Variants in CELF4 observed in about 807,000 individuals in gnomAD.
CELF4 encodes the protein CUG-BP- and ETR-3-like factor 4.
A neutral mutation model predicts 59.9 loss-of-function variants in CELF4; 18 were observed. That is an observed-to-expected ratio of 0.30 (90% CI 0.21 to 0.45). CELF4 has a LOEUF of 0.45. Ranked by LOEUF, CELF4 falls within the 20% of genes least tolerant of loss-of-function variation. CELF4 has a pLI of 1.00. For synonymous variants in CELF4, 261 were observed against 267.1 expected, an observed-to-expected ratio of 0.98 and a Z score of 0.22; for missense variants, 456 against 689.0, an observed-to-expected ratio of 0.66 and a Z score of 3.79.
At chr18:37,556,353 A>G (rs1279188703) in intron 1 of CELF4, among the ~76,000 whole-genome samples, 2 of 152,186 alleles carry the variant, frequency 1.3e-5, no homozygotes, top group Non-Finnish European at 1.5e-5. Flanking sequence ...CTTTCTAAAG[A>G]CCAGAGAGGG....
intron 1 of CELF4, among the ~76,000 whole-genome samples, chr18:37,517,658 T>C (rs973328186): frequency 1.1e-4 from 16 of 152,138 alleles, no homozygotes; most frequent in African/African-American, 3.9e-4. Context: ...TGTGGCACCC[T>C]CTCCCTGCCT....
chr18:37,327,019 T>C (rs554609816), intron 2 of CELF4, among the ~76,000 whole-genome samples: 1 of 152,322 alleles, frequency 6.6e-6, no homozygotes, highest in Non-Finnish European at 1.5e-5. Flanking sequence ...GGGACGATTA[T>C]GATACAATTA....
At chr18:37,478,638 C>T (rs1342483351) in intron 2 of CELF4, among the ~76,000 whole-genome samples, 2 of 152,304 alleles carry the variant, frequency 1.3e-5, no homozygotes, top group Non-Finnish European at 1.5e-5. Flanking sequence ...TGAGATGTCT[C>T]TGTGGGGAGG....
chr18:37,367,393 A>G (rs1353489580), intron 2 of CELF4, among the ~76,000 whole-genome samples: 1 of 151,784 alleles, frequency 6.6e-6, no homozygotes, highest in Non-Finnish European at 1.5e-5. Flanking sequence ...TGGGCTCCTG[A>G]GTCTCTGCTT....
chr18:37,511,687 T>C (rs900131319), intron 1 of CELF4, among the ~76,000 whole-genome samples: 1 of 151,944 alleles, frequency 6.6e-6, no homozygotes, highest in Non-Finnish European at 1.5e-5. Context: ...CATCTCCCAG[T>C]GGTAAGGCAG....
chr18:37,352,957 C>G (rs981475138), intron 2 of CELF4, among the ~76,000 whole-genome samples: 5 of 152,028 alleles, frequency 3.3e-5, no homozygotes, highest in African/African-American at 1.2e-4. Context: ...CGCGGTAGCT[C>G]ACGCCTGTAA....
At chr18:37,441,345 C>T (rs934850042) in intron 2 of CELF4, among the ~76,000 whole-genome samples, 1 of 150,752 alleles carries the variant, frequency 6.6e-6, no homozygotes, top group African/African-American at 2.5e-5. Flanking sequence ...GGGGAGCAGG[C>T]CTGTGGGGGC....
At chr18:37,387,510 A>C (rs1056521466) in intron 2 of CELF4, among the ~76,000 whole-genome samples, 1 of 152,178 alleles carries the variant, frequency 6.6e-6, no homozygotes, top group East Asian at 1.9e-4. Context: ...TGCTGGGCCC[A>C]GCTGAGTCCG....
chr18:37,299,696 C>G (rs892053826), intron 3 of CELF4, among the ~76,000 whole-genome samples: 1 of 152,240 alleles, frequency 6.6e-6, no homozygotes, highest in Non-Finnish European at 1.5e-5. Context: ...ACCAAAGCCT[C>G]AAAGTTACTC....
chr18:37,431,582 G>A (rs753636296), intron 2 of CELF4, among the ~76,000 whole-genome samples: 6 of 151,966 alleles, frequency 3.9e-5, no homozygotes, highest in Non-Finnish European at 8.8e-5. Flanking sequence ...TGTTAGCCGG[G>A]ATGGTCTTGA....
intron 3 of CELF4, among the ~76,000 whole-genome samples, chr18:37,290,751 C>T (rs879465434): frequency 1.1e-4 from 16 of 152,250 alleles, no homozygotes; most frequent in Non-Finnish European, 1.9e-4. Context: ...TCCTTTGATT[C>T]GACTAAGATA....
At chr18:37,463,946 C>T (rs2099800711) in intron 2 of CELF4, among the ~76,000 whole-genome samples, 1 of 152,074 alleles carries the variant, frequency 6.6e-6, no homozygotes, top group South Asian at 2.1e-4. Flanking sequence ...GGTAATGGCG[C>T]CCTCCTGTCC....
intron 8 of CELF4, 70 bp from the exon 9 acceptor site, chr18:37,266,668 GAC>G: frequency 4.7e-6 from 6 of 1,289,174 alleles, no homozygotes; most frequent in Non-Finnish European, 6.5e-6. Flanking sequence ...TGCCCATGGG[GAC>G]AATGATGTAG....
At chr18:37,273,479 G>C in intron 6 of CELF4, 1 of 1,069,196 alleles carries the variant, frequency 9.4e-7, no homozygotes, top group Non-Finnish European at 1.1e-6. Flanking sequence ...CATTCGTGGG[G>C]AAGTGACATC....
At chr18:37,521,146 A>C (rs1181238006) in intron 1 of CELF4, among the ~76,000 whole-genome samples, 1 of 152,174 alleles carries the variant, frequency 6.6e-6, no homozygotes, top group East Asian at 1.9e-4. Context: ...CCAACTAGCC[A>C]AGTGACTGTG....
chr18:37,405,409 C>T (rs2099376673), intron 2 of CELF4, among the ~76,000 whole-genome samples: 2 of 152,240 alleles, frequency 1.3e-5, no homozygotes, highest in Non-Finnish European at 2.9e-5. Context: ...AACCATCCCG[C>T]CACCTCTGCC....
intron 2 of CELF4, among the ~76,000 whole-genome samples, chr18:37,441,996 G>A (rs1423415367): frequency 5.0e-5 from 4 of 80,758 alleles, no homozygotes; most frequent in East Asian, 6.5e-4. Context: ...GACACAGTGC[G>A]TCACCCAAAC....
intron 3 of CELF4, among the ~76,000 whole-genome samples, chr18:37,318,546 T>A (rs767746461): frequency 1.3e-5 from 2 of 151,652 alleles, no homozygotes; most frequent in African/African-American, 4.8e-5. Flanking sequence ...AGCTTGGTGA[T>A]AGTGCTGACT....
chr18:37,364,653 A>T (rs1332534674), intron 2 of CELF4, among the ~76,000 whole-genome samples: 2 of 152,194 alleles, frequency 1.3e-5, no homozygotes, highest in African/African-American at 4.8e-5. Context: ...GTCCATGGAG[A>T]GGATTTGCCC....
Sources: allele counts gnomAD v4.1 joint callset (sites outside exome capture counted in the v4.1 genomes callset), GRCh38; gene constraint gnomAD v4.1.1; transcripts MANE v1.5; gene names NCBI Gene and HGNC (gene_info 2026-07-23, HGNC 2026-07-21).